LARGE1: variants seen among roughly 807,000 people sequenced by gnomAD.
The protein encoded by LARGE1 is LARGE xylosyl- and glucuronyltransferase 1.
A neutral mutation model predicts 87.6 loss-of-function variants in LARGE1; 43 were observed. The ratio of observed to expected loss-of-function variants is 0.49; its 90% CI spans 0.38 to 0.63. The LOEUF (loss-of-function observed/expected upper bound fraction) is 0.63, where lower values mean the gene tolerates loss of function less well. LARGE1 is among the 30% of genes least tolerant of loss of function. The probability of loss-of-function intolerance (pLI) is 0.00; values close to 1 mark genes in which losing one functional copy is unlikely to be tolerated. For missense variants in LARGE1, 802 were observed against 1,000.2 expected (o/e 0.80, Z 2.67); for synonymous variants, 434 against 394.6 (o/e 1.10, Z -1.18).
chr22:33,915,046 G>GAC lies in LARGE1; in HGVS notation c.-83+4948_-83+4949insGT, dbSNP rs1555892463. On this transcript the variant is annotated intron_variant, in intron 1 of 14. Coordinates refer to ENST00000397394, the MANE Select transcript of LARGE1 (RefSeq NM_133642.5). ...ACACACACACACACACACACACAGA[G>GAC]AGAGAGAGAGAGAGAGAGGCTTCTA... Among the ~76,000 whole-genome samples, 407 of 123,140 alleles carry GAC rather than the reference G, an allele frequency of 3.3e-3. 1 individual carries two copies. Among genetic ancestry groups the GAC allele is most frequent in the Non-Finnish European group, 6.2e-3 (329 of 52,870 alleles). 80.8% of individuals were successfully genotyped at this position (123,140 alleles called of 152,430 possible).
intron 4 of LARGE1, among the ~76,000 whole-genome samples, chr22:33,619,608 G>A (rs535021578): frequency 6.6e-6 from 1 of 150,526 alleles, no homozygotes; most frequent in South Asian, 2.1e-4. Context: ...CTAAAAATGA[G>A]AACTTCTTTT....
intron 6 of LARGE1, among the ~76,000 whole-genome samples, chr22:33,452,695 G>T (rs2067982617): frequency 6.6e-6 from 1 of 152,208 alleles, no homozygotes; most frequent in African/African-American, 2.4e-5. Context: ...GGTGCTGGCA[G>T]GAGCGCCCAT....
intron 7 of LARGE1, among the ~76,000 whole-genome samples, chr22:33,407,229 C>T (rs1019003687): frequency 1.3e-5 from 2 of 152,080 alleles, no homozygotes; most frequent in African/African-American, 2.4e-5. Context: ...GCACGATCAT[C>T]GCACACTACA....
chr22:33,745,256 G>C (rs2084037531), intron 2 of LARGE1, among the ~76,000 whole-genome samples: 1 of 152,134 alleles, frequency 6.6e-6, no homozygotes, highest in Non-Finnish European at 1.5e-5. Flanking sequence ...ATTTGTCAGA[G>C]AGCCATCAGA....
At chr22:33,859,722 T>C (rs770356552) in intron 1 of LARGE1, among the ~76,000 whole-genome samples, 21 of 152,178 alleles carry the variant, frequency 1.4e-4, no homozygotes, top group Non-Finnish European at 2.2e-4. Flanking sequence ...CATTATGACA[T>C]GTATGGTTCA....
chr22:33,287,781 A>G (rs1324933527), intron 12 of LARGE1, among the ~76,000 whole-genome samples: 1 of 152,200 alleles, frequency 6.6e-6, no homozygotes, highest in Non-Finnish European at 1.5e-5. Flanking sequence ...AGGAGACTTC[A>G]GTTCTAGGCC....
chr22:33,132,720 C>T, the LARGE1 span, among the ~76,000 whole-genome samples: 2 of 151,792 alleles, frequency 1.3e-5, no homozygotes, highest in South Asian at 2.1e-4. Flanking sequence ...TTCTTTGGTC[C>T]TTCTTTGATG....
intron 3 of LARGE1, among the ~76,000 whole-genome samples, chr22:33,631,482 A>C (rs912804885): frequency 3.9e-5 from 6 of 152,178 alleles, no homozygotes; most frequent in African/African-American, 1.4e-4. Flanking sequence ...TTTTGTTAAA[A>C]ACTAAGACAT....
At chr22:33,341,744 G>T (rs949096418) in intron 9 of LARGE1, among the ~76,000 whole-genome samples, 1 of 152,172 alleles carries the variant, frequency 6.6e-6, no homozygotes, top group African/African-American at 2.4e-5. Flanking sequence ...AGCTGTGTGT[G>T]TCCTTGAACA....
chr22:33,839,717 C>A (rs1219539422), intron 1 of LARGE1, among the ~76,000 whole-genome samples: 2 of 152,064 alleles, frequency 1.3e-5, no homozygotes, highest in African/African-American at 4.8e-5. Flanking sequence ...TCTTAATTTC[C>A]CTAGAGACAG....
At chr22:33,708,032 T>C (rs1386375972) in intron 2 of LARGE1, among the ~76,000 whole-genome samples, 3 of 152,226 alleles carry the variant, frequency 2.0e-5, no homozygotes, top group African/African-American at 7.2e-5. Context: ...GCTGACGATG[T>C]CCAAGCTGCT....
intron 1 of LARGE1, among the ~76,000 whole-genome samples, chr22:33,882,035 G>GTTTTTTTT (rs56757133): frequency 1.9e-4 from 28 of 144,264 alleles, no homozygotes; most frequent in African/African-American, 6.8e-4. Context: ...TTTTGTTTTT[G>GTTTTTTTT]TTTTTTTTTG....
At chr22:33,718,426 G>A (rs975868671) in intron 2 of LARGE1, among the ~76,000 whole-genome samples, 2 of 152,220 alleles carry the variant, frequency 1.3e-5, no homozygotes, top group Non-Finnish European at 2.9e-5. Flanking sequence ...TAGGACAGGA[G>A]GCTTTTTAGA....
chr22:33,277,318 C>A, intron 13 of LARGE1, 63 bp from the exon 14 acceptor site: 1 of 1,485,250 alleles, frequency 6.7e-7, no homozygotes, highest in South Asian at 1.2e-5. Context: ...CAAATGCAGC[C>A]GATGTGGAGG....
rs1004305768 is a variant in LARGE1, at chr22:33,273,734, A to G, written c.*693T>C. 11 of 398,114 alleles carry G rather than the reference A, an allele frequency of 2.8e-5. No homozygotes were observed. The highest frequency in any genetic ancestry group is 1.8e-4 in the Admixed American group (4 of 22,762). The allele number at this position is 398,114 out of a possible 1,614,324, so 24.7% of individuals were successfully genotyped here. A position where few individuals can be genotyped will look rare whatever the true frequency, so the allele number is the denominator to read the frequency against. On this transcript the variant is annotated 3_prime_UTR_variant, in exon 15 of 15. Transcript: ENST00000397394. ...AGAGGGTGGTTGGTAGAGGCAGCTGATTTTCCTTTAGAGCCTCAAAGGATC... is the reference window on the plus strand; with the variant it reads ...AGAGGGTGGTTGGTAGAGGCAGCTGGTTTTCCTTTAGAGCCTCAAAGGATC...
the LARGE1 span, among the ~76,000 whole-genome samples, chr22:33,129,867 G>C: frequency 6.6e-6 from 1 of 152,126 alleles, no homozygotes; most frequent in Non-Finnish European, 1.5e-5. Flanking sequence ...ACCTCCACCT[G>C]GTCCAACCTT....
chr22:33,810,763 G>A (rs140544802), intron 1 of LARGE1, among the ~76,000 whole-genome samples: 2 of 150,314 alleles, frequency 1.3e-5, no homozygotes, highest in African/African-American at 4.9e-5. Context: ...TTGCTCTGTT[G>A]CCCAGGCTGG....
At chr22:33,555,855 G>A (rs572798444) in intron 6 of LARGE1, among the ~76,000 whole-genome samples, 19 of 151,738 alleles carry the variant, frequency 1.3e-4, no homozygotes, top group Admixed American at 7.9e-4. Flanking sequence ...GCCTGAGCCC[G>A]GGAGGTGGAG....
chr22:33,499,304 G>A (rs1403049261), intron 6 of LARGE1, among the ~76,000 whole-genome samples: 1 of 152,222 alleles, frequency 6.6e-6, no homozygotes, highest in Admixed American at 6.5e-5. Flanking sequence ...TGTGGCAGCC[G>A]TTCGGTTTAG....
Sources: allele counts gnomAD v4.1 joint callset (sites outside exome capture counted in the v4.1 genomes callset), GRCh38; gene constraint gnomAD v4.1.1; transcripts MANE v1.5; gene names NCBI Gene and HGNC (gene_info 2026-07-23, HGNC 2026-07-21).